The following TSNAXIP1 variants were observed in gnomAD, a reference collection of about 807,000 sequenced individuals.
The protein encoded by TSNAXIP1 is translin associated factor X interacting protein 1.
In TSNAXIP1, 89 loss-of-function variants were observed where a neutral mutation model predicts 84.8. The observed-to-expected ratio is 1.05, with a 90% CI of 0.88 to 1.25. TSNAXIP1 has a LOEUF of 1.25. TSNAXIP1 is among the 50% of genes most tolerant of loss of function. TSNAXIP1 has a pLI of 0.00. For synonymous variants in TSNAXIP1, 347 were observed against 335.2 expected (o/e 1.04, Z -0.39); for missense variants, 874 against 887.6 (o/e 0.98, Z 0.20).
At chr16:67,816,007 C>T (rs1053984525) in intron 2 of TSNAXIP1, among the ~76,000 whole-genome samples, 3 of 136,358 alleles carry the variant, frequency 2.2e-5, no homozygotes, top group Non-Finnish European at 4.5e-5. Flanking sequence ...ATCTCGCTGT[C>T]GCCCAGGCTG....
At chr16:67,825,552 G>T (rs1166977918) in intron 7 of TSNAXIP1, 115 bp from the exon 8 acceptor site, 1 of 1,399,102 alleles carries the variant, frequency 7.1e-7, no homozygotes. Flanking sequence ...GAAACCCTAG[G>T]CTGGTAGTGC....
chr16:67,810,597 C>T (rs888308268), intron 1 of TSNAXIP1, among the ~76,000 whole-genome samples: 6 of 151,440 alleles, frequency 4.0e-5, no homozygotes, highest in Non-Finnish European at 7.4e-5. Flanking sequence ...CCTGCCTGGG[C>T]GACAGAGCCA....
chr16:67,808,964 A>C (rs1156531939), intron 1 of TSNAXIP1, among the ~76,000 whole-genome samples: 1 of 151,106 alleles, frequency 6.6e-6, no homozygotes, highest in Non-Finnish European at 1.5e-5. Context: ...AGGTGGGAGG[A>C]TCACTTGAGG....
At chr16:67,824,461 A>G (rs2057294279) in intron 5 of TSNAXIP1, 122 bp from the exon 6 acceptor site, 1 of 908,184 alleles carries the variant, frequency 1.1e-6, no homozygotes, top group Non-Finnish European at 1.7e-6. Context: ...GGCTTTGAAC[A>G]AGGCATGCAG....
chr16:67,822,347 T>C (rs138767733), intron 4 of TSNAXIP1, among the ~76,000 whole-genome samples: 42 of 151,460 alleles, frequency 2.8e-4, no homozygotes, highest in African/African-American at 9.7e-4. Flanking sequence ...AAAAGTCTCC[T>C]GAGGCTGGAG....
intron 4 of TSNAXIP1, among the ~76,000 whole-genome samples, chr16:67,822,278 C>CAAAAA (rs931299742): frequency 1.9e-5 from 1 of 51,932 alleles, no homozygotes; most frequent in Non-Finnish European, 4.1e-5. Flanking sequence ...GACTCCATCT[C>CAAAAA]AAAAAAAAAA....
chr16:67,825,117 C>T lies in TSNAXIP1; in HGVS notation c.679-20C>T, dbSNP rs1226128815. ...GGGGTCCAGGGGCAGCCCCTGACCA[C>T]ACAGCCACCTTCTTGCCAGGTGACC... On this transcript the variant is annotated intron_variant, in intron 6 of 15. Transcript: ENST00000561639. 3.1e-6 allele frequency: 5 copies of T among 1,612,088 alleles called. No homozygotes were observed. The South Asian group carries it at 4.4e-5, about 14-fold the overall frequency.
In TSNAXIP1 at chr16:67,814,405, A is replaced by G. The variant is rs1245043604; in HGVS notation, c.147+4A>G. On this transcript the variant is annotated splice_donor_region_variant and intron_variant, in intron 2 of 15. Coordinates refer to ENST00000561639, the MANE Select transcript of TSNAXIP1 (RefSeq NM_001288990.3). ...TCTTCAGAAACGAAGGACGCTGGTT[A>G]GTGACAATGTTGTTTTGGAACCCCA... 2 of 1,535,548 alleles carry G rather than the reference A, an allele frequency of 1.3e-6. No homozygotes were observed. Among genetic ancestry groups the G allele is most frequent in the Non-Finnish European group, 1.7e-6 (2 of 1,146,418 alleles).
rs1194875308 is a variant in TSNAXIP1 at position 67,824,808 on chromosome 16, A to G, written c.678+29A>G. ...AATGGAAGTGGTGTGATGATGACCA[A>G]GTCCCCGAATTCCTGCCAACTCCAC... On this transcript the variant is annotated intron_variant, in intron 6 of 15. Coordinates refer to ENST00000561639, the MANE Select transcript of TSNAXIP1 (RefSeq NM_001288990.3). 3.1e-6 allele frequency: 5 copies of G among 1,603,016 alleles called. No individual in the cohort carries two copies. In the South Asian group the frequency reaches 5.6e-5, roughly 18 times the overall value.
At chr16:67,824,513 A>G in intron 5 of TSNAXIP1, 70 bp from the exon 6 acceptor site, 1 of 1,483,906 alleles carries the variant, frequency 6.7e-7, no homozygotes, top group Non-Finnish European at 9.2e-7. Context: ...CTCACCCATG[A>G]CCTTAGGGTG....
Position 67,815,962 on chromosome 16 carries a change from G to A in TSNAXIP1, c.147+1561G>A, listed in dbSNP as rs553128741. 6.7e-3 allele frequency among the ~76,000 whole-genome samples: 998 copies of A among 148,090 alleles called. 7 individuals are homozygous for A. Among genetic ancestry groups the A allele is most frequent in the Admixed American group, 0.02 (300 of 14,856 alleles). On this transcript the variant is annotated intron_variant, in intron 2 of 15. Coordinates refer to ENST00000561639, the MANE Select transcript of TSNAXIP1 (RefSeq NM_001288990.3). ...TTACAGGTGCACACCACCATGCCCG[G>A]CTAATTTTTTTTTTTTTTTTTTTTT...
chr16:67,811,142 T>G (rs1237976096), intron 1 of TSNAXIP1, among the ~76,000 whole-genome samples: 3 of 152,122 alleles, frequency 2.0e-5, no homozygotes, highest in Non-Finnish European at 4.4e-5. Flanking sequence ...GACCTCATGA[T>G]CTGCTCACCT....
intron 11 of TSNAXIP1, 53 bp from the exon 12 acceptor site, chr16:67,826,639 A>G: frequency 1.9e-6 from 3 of 1,611,228 alleles, no homozygotes; most frequent in Non-Finnish European, 2.5e-6. Flanking sequence ...GGTGACAGGG[A>G]TGAGGGCCAA....
intron 2 of TSNAXIP1, among the ~76,000 whole-genome samples, chr16:67,819,695 TG>T (rs1016013710): frequency 6.6e-6 from 1 of 150,624 alleles, no homozygotes; most frequent in African/African-American, 2.5e-5. Context: ...TTGTCCAGGC[TG>T]GAGTGCAATG....
rs769727743 is a variant in TSNAXIP1 at position 67,827,524 on chromosome 16, A to G, written c.1843A>G (p.Met615Val). ...TGTGCAAAAACTCTGGGAACAATAC[A>G]TGGATGAGAAGGACGAGTACTTACA... ...PFVQKLWEQY[M>V]DEKDEYLQQL... Residue 615 changes from methionine (M) to valine (V), a missense_variant, in exon 15 of 16, where the codon ATG (methionine) becomes GTG (valine). Met to Val is a conservative substitution (Grantham distance 21, BLOSUM62 1). Transcript: ENST00000561639. The G allele has an allele frequency of 1.2e-6, 2 of 1,614,182 alleles. No individual in the cohort carries two copies. The highest frequency in any genetic ancestry group is 2.2e-5 in the South Asian group (2 of 91,084).
chr16:67,823,394 T>C (rs2057208377), intron 4 of TSNAXIP1, among the ~76,000 whole-genome samples: 1 of 151,330 alleles, frequency 6.6e-6, no homozygotes, highest in South Asian at 2.1e-4. Context: ...AATACAAAAA[T>C]TAGCCAGGTG....
intron 4 of TSNAXIP1, among the ~76,000 whole-genome samples, chr16:67,823,327 G>A (rs1182579797): frequency 2.0e-5 from 3 of 151,806 alleles, no homozygotes; most frequent in African/African-American, 7.3e-5. Flanking sequence ...GGTGGATCAC[G>A]AGGTCAGGAG....
At chr16:67,808,502 A>G (rs1248851562) in intron 1 of TSNAXIP1, among the ~76,000 whole-genome samples, 1 of 152,002 alleles carries the variant, frequency 6.6e-6, no homozygotes, top group Non-Finnish European at 1.5e-5. Context: ...TGAACCTGGG[A>G]GGCAGAGCTT....
At chr16:67,826,639 A>T (rs2057476264) in intron 11 of TSNAXIP1, 53 bp from the exon 12 acceptor site, 1 of 1,611,228 alleles carries the variant, frequency 6.2e-7, no homozygotes, top group South Asian at 1.1e-5. Flanking sequence ...GGTGACAGGG[A>T]TGAGGGCCAA....
Sources: allele counts gnomAD v4.1 joint callset (sites outside exome capture counted in the v4.1 genomes callset), GRCh38; gene constraint gnomAD v4.1.1; transcripts MANE v1.5; gene names NCBI Gene and HGNC (gene_info 2026-07-23, HGNC 2026-07-21).